PACRG: variants seen among roughly 807,000 people sequenced by gnomAD.
PACRG encodes the protein parkin coregulated.
A neutral mutation model predicts 29.7 loss-of-function variants in PACRG; 29 were observed. That is an observed-to-expected ratio of 0.98 (90% CI 0.73 to 1.33). PACRG has a LOEUF of 1.33. PACRG is among the 40% of genes most tolerant of loss of function. The probability of loss-of-function intolerance (pLI) is 0.00; values close to 1 mark genes in which losing one functional copy is unlikely to be tolerated. For missense variants in PACRG, 279 were observed against 316.2 expected (o/e 0.88, Z 0.89); for synonymous variants, 116 against 118.7 (o/e 0.98, Z 0.15).
chr6:163,059,092 A>T (rs1286348251), intron 2 of PACRG, among the ~76,000 whole-genome samples: 1 of 152,064 alleles, frequency 6.6e-6, no homozygotes, highest in East Asian at 1.9e-4. Context: ...AAAAAAAAAA[A>T]AAAGTTAAAA....
rs1787607347 is a variant in PACRG at position 162,819,084 on chromosome 6, C to T, written c.291+4803C>T. Among the ~76,000 whole-genome samples, 3 of 152,268 alleles carry T rather than the reference C, an allele frequency of 2.0e-5. No individual in the cohort carries two copies. In the South Asian group the frequency reaches 6.2e-4, roughly 32 times the overall value. On this transcript the variant is annotated intron_variant, in intron 2 of 4. Coordinates refer to ENST00000366888, the MANE Select transcript of PACRG (RefSeq NM_001080379.2). ...AGCAGACATGCCAGAGGCCTTTCTG[C>T]GTTCTTGTTTTTTCTTCTTTGACAC...
chr6:163,175,202 A>G lies in PACRG; in HGVS notation c.613+85794A>G, dbSNP rs116839725. On this transcript the variant is annotated intron_variant, in intron 4 of 4. Transcript: ENST00000366888. ...GACTAGTATTTTCTACTGCGTTCCG[A>G]TCTGCCCTCCTAAGATAATTAGGTT... Among the ~76,000 whole-genome samples, 240 of 152,264 alleles carry G rather than the reference A, an allele frequency of 1.6e-3. 1 individual carries two copies. The highest frequency in any genetic ancestry group is 5.7e-3 in the African/African-American group (236 of 41,548).
At chr6:162,772,090 AAG>A (rs1431862845) in intron 1 of PACRG, among the ~76,000 whole-genome samples, 2 of 152,226 alleles carry the variant, frequency 1.3e-5, no homozygotes, top group Non-Finnish European at 2.9e-5. Context: ...CAAAGTCACA[AAG>A]AGGGAGAAAA....
chr6:163,209,612 T>A (rs543734093), intron 4 of PACRG, among the ~76,000 whole-genome samples: 1 of 152,220 alleles, frequency 6.6e-6, no homozygotes, highest in Non-Finnish European at 1.5e-5. Context: ...AGGAATATTA[T>A]GACATTACTG....
intron 4 of PACRG, among the ~76,000 whole-genome samples, chr6:163,218,168 A>G (rs559874218): frequency 2.0e-5 from 3 of 152,290 alleles, no homozygotes; most frequent in Admixed American, 1.3e-4. Flanking sequence ...CATGAAGACT[A>G]GCACATCTTC....
chr6:163,016,048 A>C (rs950051523), intron 2 of PACRG, among the ~76,000 whole-genome samples: 14 of 152,382 alleles, frequency 9.2e-5, no homozygotes, highest in African/African-American at 3.4e-4. Context: ...TAAGTAAATA[A>C]GATACAAATG....
At chr6:162,950,367 G>A (rs1298398252) in intron 2 of PACRG, among the ~76,000 whole-genome samples, 2 of 152,116 alleles carry the variant, frequency 1.3e-5, no homozygotes, top group East Asian at 3.9e-4. Context: ...AATTAGCCGG[G>A]CGTGGTGGCG....
chr6:163,232,926 C>A (rs1489906795), intron 4 of PACRG, among the ~76,000 whole-genome samples: 1 of 152,202 alleles, frequency 6.6e-6, no homozygotes, highest in Non-Finnish European at 1.5e-5. Context: ...CCTCTCCCAA[C>A]TCTGCTCCTC....
At chr6:163,234,994 A>T (rs1260254024) in intron 4 of PACRG, among the ~76,000 whole-genome samples, 1 of 152,232 alleles carries the variant, frequency 6.6e-6, no homozygotes, top group Non-Finnish European at 1.5e-5. Context: ...TTAAGACGAA[A>T]AGACACGACT....
intron 2 of PACRG, among the ~76,000 whole-genome samples, chr6:162,945,343 C>T (rs908201572): frequency 4.0e-5 from 6 of 151,734 alleles, no homozygotes; most frequent in African/African-American, 9.7e-5. Context: ...AAACCAAAAA[C>T]GGGCAGAAGT....
At chr6:163,037,553 G>T (rs1009082405) in intron 2 of PACRG, among the ~76,000 whole-genome samples, 1 of 152,214 alleles carries the variant, frequency 6.6e-6, no homozygotes, top group Non-Finnish European at 1.5e-5. Context: ...AGCTGCATCT[G>T]CCATCCTTTC....
chr6:163,106,279 G>A (rs1399578995), intron 4 of PACRG, among the ~76,000 whole-genome samples: 1 of 152,166 alleles, frequency 6.6e-6, no homozygotes, highest in East Asian at 1.9e-4. Context: ...TGCTTCAACT[G>A]CACCTAATGG....
chr6:163,154,849 C>A (rs1032367024), intron 4 of PACRG, among the ~76,000 whole-genome samples: 15 of 152,164 alleles, frequency 9.9e-5, no homozygotes, highest in African/African-American at 3.4e-4. Flanking sequence ...CCTCTGGCCA[C>A]CTGCATGTGA....
chr6:163,260,378 A>C (rs1248010264), intron 4 of PACRG, among the ~76,000 whole-genome samples: 1 of 152,208 alleles, frequency 6.6e-6, no homozygotes, highest in African/African-American at 2.4e-5. Context: ...CAAAGAACAA[A>C]GGCCAGTTAG....
At chr6:163,000,035 A>G (rs1457705865) in intron 2 of PACRG, among the ~76,000 whole-genome samples, 4 of 152,206 alleles carry the variant, frequency 2.6e-5, no homozygotes, top group African/African-American at 9.6e-5. Flanking sequence ...ATTCGTTTCA[A>G]TGGATTGCAA....
chr6:163,106,201 AT>A (rs1406806687), intron 4 of PACRG, among the ~76,000 whole-genome samples: 1 of 152,182 alleles, frequency 6.6e-6, no homozygotes, highest in African/African-American at 2.4e-5. Context: ...AACTTATAGG[AT>A]TATTCAAATG....
At chr6:162,776,448 C>G (rs974088726) in intron 1 of PACRG, among the ~76,000 whole-genome samples, 2 of 152,160 alleles carry the variant, frequency 1.3e-5, no homozygotes, top group African/African-American at 4.8e-5. Flanking sequence ...GGCTATAAAC[C>G]TGGGTCTTTG....
chr6:163,309,592 T>C (rs1785328846), intron 4 of PACRG, among the ~76,000 whole-genome samples: 1 of 152,248 alleles, frequency 6.6e-6, no homozygotes, highest in African/African-American at 2.4e-5. Context: ...ATGATAGTTT[T>C]ATCATCATCT....
At chr6:162,727,344 T>TGA (rs1198506189), upstream of PACRG, 13 of 293,894 alleles carry the variant, frequency 4.4e-5, no homozygotes, top group East Asian at 9.7e-5. Context: ...GGAGAAGGCT[T>TGA]CGGGACCCCA....
Sources: allele counts gnomAD v4.1 joint callset (sites outside exome capture counted in the v4.1 genomes callset), GRCh38; gene constraint gnomAD v4.1.1; transcripts MANE v1.5; gene names NCBI Gene and HGNC (gene_info 2026-07-23, HGNC 2026-07-21).